The following ATG14 variants were observed in gnomAD, a reference collection of about 807,000 sequenced individuals.
ATG14 encodes beclin 1-associated autophagy-related key regulator.
A neutral mutation model predicts 60.4 loss-of-function variants in ATG14; 35 were observed. That is an observed-to-expected ratio of 0.58 (90% CI 0.44 to 0.77). The LOEUF (loss-of-function observed/expected upper bound fraction) is 0.77, where lower values mean the gene tolerates loss of function less well. Ranked by LOEUF, ATG14 falls within the 30% of genes least tolerant of loss-of-function variation. The probability of loss-of-function intolerance (pLI) is 0.00; values close to 1 mark genes in which losing one functional copy is unlikely to be tolerated. For synonymous variants in ATG14, 234 were observed against 228.8 expected (o/e 1.02, Z -0.21); for missense variants, 647 against 626.3 (o/e 1.03, Z -0.35).
chr14:55,369,488 A>G lies in ATG14; in HGVS notation c.*131T>C, dbSNP rs1422614831. On this transcript the variant is annotated 3_prime_UTR_variant, in exon 10 of 10. Transcript: ENST00000247178. ...GAAATGTTTGTCTCCCTGCTTAAAA[A>G]GACAAAACAAAACAACACTTTAACC... 5.4e-6 allele frequency: 5 copies of G among 931,784 alleles called. No individual in the cohort carries two copies. Among genetic ancestry groups the G allele is most frequent in the Middle Eastern group, 3.6e-4 (1 of 2,784 alleles). 57.7% of individuals were successfully genotyped at this position (931,784 alleles called of 1,614,324 possible). A position where few individuals can be genotyped will look rare whatever the true frequency, so the allele number is the denominator to read the frequency against.
At chr14:55,400,401 C>A (rs1885377604) in intron 1 of ATG14, among the ~76,000 whole-genome samples, 1 of 152,118 alleles carries the variant, frequency 6.6e-6, no homozygotes, top group Non-Finnish European at 1.5e-5. Context: ...ATCTTGGTCT[C>A]TTTTTCCATG....
In ATG14 at chr14:55,368,220, G is replaced by A. The variant is rs936162806; in HGVS notation, c.*1399C>T. ...AGCTGAAAATGATCTCCTGCTGAGG[G>A]AAATTCTTTTTTTTTTTGAGACGGA... On this transcript the variant is annotated 3_prime_UTR_variant, in exon 10 of 10. Transcript: ENST00000247178. The A allele has an allele frequency of 6.6e-6, 1 of 152,432 alleles. No homozygotes were observed. Among genetic ancestry groups the A allele is most frequent in the African/African-American group, 2.4e-5 (1 of 41,294 alleles). 9.4% of individuals were successfully genotyped at this position (152,432 alleles called of 1,614,324 possible). A position where few individuals can be genotyped will look rare whatever the true frequency, so the allele number is the denominator to read the frequency against.
At chr14:55,400,048 A>G (rs1885372340) in intron 1 of ATG14, among the ~76,000 whole-genome samples, 1 of 152,242 alleles carries the variant, frequency 6.6e-6, no homozygotes, top group Admixed American at 6.5e-5. Flanking sequence ...CTAATACTTC[A>G]TGAGTCACGT....
chr14:55,379,145 T>C (rs1884980421), intron 7 of ATG14, among the ~76,000 whole-genome samples: 1 of 152,240 alleles, frequency 6.6e-6, no homozygotes, highest in African/African-American at 2.4e-5. Context: ...TTGTCACCAA[T>C]GTACCCTCCA....
chr14:55,378,009 T>A lies in ATG14; in HGVS notation c.1061A>T (p.Asn354Ile), dbSNP rs971318943. The part of the protein sequence containing the change: ...FTRAVKKLNA[N>I]ILYLCFSQHV... ...CTGAGAAAAACAAAGGTAAAGAATA[T>A]TTGCATTCAGTTTCTTCACTGCTCG... The change falls in exon 8 of 10, where the codon AAT becomes ATT. Residue 354 changes from asparagine to isoleucine, a missense_variant. Coordinates refer to ENST00000247178, the MANE Select transcript of ATG14 (RefSeq NM_014924.5). The A allele has an allele frequency of 3.2e-5, 52 of 1,612,494 alleles. No homozygotes were observed. The highest frequency in any genetic ancestry group is 4.2e-5 in the Non-Finnish European group (49 of 1,178,896).
chr14:55,377,965 C>T lies in ATG14; in HGVS notation c.1086+19G>A. On this transcript the variant is annotated intron_variant, in intron 8 of 9. Transcript: ENST00000247178. ...CTATTTAACAAAGTAAAAATTAGTT[C>T]ACAACCTATTTTTCATACCTGAGAA... 2 of 1,598,132 alleles carry T rather than the reference C, an allele frequency of 1.3e-6. No homozygotes were observed. Among genetic ancestry groups the T allele is most frequent in the South Asian group, 1.1e-5 (1 of 89,104 alleles).
intron 1 of ATG14, among the ~76,000 whole-genome samples, chr14:55,410,663 AT>A (rs1885556863): frequency 6.6e-6 from 1 of 152,238 alleles, no homozygotes; most frequent in Non-Finnish European, 1.5e-5. Context: ...AGCTGTCTGA[AT>A]TTTAATTCTT....
At chr14:55,374,435 AG>A (rs1195624269) in intron 9 of ATG14, among the ~76,000 whole-genome samples, 2 of 152,162 alleles carry the variant, frequency 1.3e-5, no homozygotes, top group African/African-American at 4.8e-5. Context: ...TCAGTTGTCT[AG>A]ATTTTAATCT....
chr14:55,391,023 C>T (rs373830928), intron 3 of ATG14, 31 bp from the exon 4 acceptor site: 29 of 1,506,874 alleles, frequency 1.9e-5, no homozygotes, highest in Admixed American at 1.5e-4. Flanking sequence ...ATATCACAAA[C>T]GTTGGTCTCT....
chr14:55,371,809 A>T (rs1884824831), intron 9 of ATG14, among the ~76,000 whole-genome samples: 1 of 150,758 alleles, frequency 6.6e-6, no homozygotes, highest in Non-Finnish European at 1.5e-5. Context: ...GTCTCAAAAA[A>T]CAAACAAAAA....
intron 9 of ATG14, among the ~76,000 whole-genome samples, chr14:55,370,623 C>T (rs1427795331): frequency 6.6e-6 from 1 of 151,846 alleles, no homozygotes; most frequent in Non-Finnish European, 1.5e-5. Context: ...AGTCAGCAAA[C>T]CTCAGAAGCC....
At chr14:55,370,186 G>A in intron 9 of ATG14, among the ~76,000 whole-genome samples, 1 of 152,154 alleles carries the variant, frequency 6.6e-6, no homozygotes, top group Non-Finnish European at 1.5e-5. Flanking sequence ...ACCGTGCATA[G>A]GAAAAAAACC....
chr14:55,390,634 G>C (rs887958876), intron 4 of ATG14, among the ~76,000 whole-genome samples: 9 of 152,212 alleles, frequency 5.9e-5, no homozygotes, highest in Admixed American at 5.2e-4. Flanking sequence ...GCCTCCCAAA[G>C]TGCTGGGATT....
At chr14:55,397,469 G>A in intron 1 of ATG14, 35 bp from the exon 2 acceptor site, 3 of 1,545,584 alleles carry the variant, frequency 1.9e-6, no homozygotes, top group Non-Finnish European at 1.8e-6. Flanking sequence ...TATTTAAATG[G>A]TCATTTTTTC....
chr14:55,382,298 G>T, intron 5 of ATG14, 107 bp from the exon 6 acceptor site: 1 of 873,380 alleles, frequency 1.1e-6, no homozygotes, highest in Non-Finnish European at 1.8e-6. Flanking sequence ...TATGAGCACA[G>T]AAATTTTACA....
At chr14:55,377,611 A>AT (rs1884943695) in intron 9 of ATG14, among the ~76,000 whole-genome samples, 1 of 152,122 alleles carries the variant, frequency 6.6e-6, no homozygotes, top group African/African-American at 2.4e-5. Flanking sequence ...AAAATGATTG[A>AT]TATTAATTTT....
At chr14:55,391,093 A>T (rs1036008469) in intron 3 of ATG14, 101 bp from the exon 4 acceptor site, 7 of 761,254 alleles carry the variant, frequency 9.2e-6, no homozygotes, top group Non-Finnish European at 1.5e-5. Flanking sequence ...GTCAGAAAAC[A>T]TAATGAAGAA....
rs940390547 is a variant in ATG14, at chr14:55,369,474, C to T, written c.*145G>A. ...CCACTTGGCAAATAGAAATGTTTGTCTCCCTGCTTAAAAAGACAAAACAAA... is the reference window on the plus strand; with the variant it reads ...CCACTTGGCAAATAGAAATGTTTGTTTCCCTGCTTAAAAAGACAAAACAAA... On this transcript the variant is annotated 3_prime_UTR_variant, in exon 10 of 10. Transcript: ENST00000247178. 6.5e-6 allele frequency: 5 copies of T among 766,444 alleles called. No individual in the cohort carries two copies. The Admixed American group carries it at 9.7e-5, about 15-fold the overall frequency. The allele number at this position is 766,444 out of a possible 1,614,324, so 47.5% of individuals were successfully genotyped here. A position where few individuals can be genotyped will look rare whatever the true frequency, so the allele number is the denominator to read the frequency against.
intron 1 of ATG14, 99 bp downstream of exon 1, chr14:55,411,503 A>C: frequency 8.5e-7 from 1 of 1,172,550 alleles, no homozygotes; most frequent in Non-Finnish European, 1.2e-6. Context: ...TCTCGCTGGT[A>C]TCTGGTGCCC....
Sources: allele counts gnomAD v4.1 joint callset (sites outside exome capture counted in the v4.1 genomes callset), GRCh38; gene constraint gnomAD v4.1.1; transcripts MANE v1.5; gene names NCBI Gene and HGNC (gene_info 2026-07-23, HGNC 2026-07-21).